VEGFB: variants seen among roughly 807,000 people sequenced by gnomAD.
VEGFB encodes vascular endothelial growth factor B.
A neutral mutation model predicts 22.5 loss-of-function variants in VEGFB; 24 were observed. The ratio of observed to expected loss-of-function variants is 1.07; its 90% CI spans 0.77 to 1.50. VEGFB has a LOEUF of 1.50. VEGFB is among the 40% of genes most tolerant of loss of function. The pLI is 0.00. For missense variants in VEGFB, 327 were observed against 287.8 expected, an observed-to-expected ratio of 1.14 and a Z score of -0.99; for synonymous variants, 141 against 117.4, an observed-to-expected ratio of 1.20 and a Z score of -1.30.
Position 64,237,533 on chromosome 11 carries a change from C to G in VEGFB, c.524C>G (p.Ser175Cys), listed in dbSNP as rs200503432. 1.2e-6 allele frequency: 2 copies of G among 1,609,772 alleles called. No homozygotes were observed. The highest frequency in any genetic ancestry group is 1.3e-5 in the African/African-American group (1 of 74,896). ...CATCCCACTCCAGCCCCAGGCCCCT[C>G]TGCCCACGCTGCACCCAGCACCACC... ...ITHPTPAPGP[S>C]AHAAPSTTSA... Residue 175 changes from serine to cysteine, a missense_variant, in exon 6 of 7, where the codon TCT becomes TGT. Transcript: ENST00000309422.
In VEGFB at chr11:64,234,992, G is replaced by C; in HGVS notation, c.60+99G>C. ...CCCGCGGCCTCGGCCGAGGGGATCT[G>C]CGGGGTCCGGCCTTGGACGCGGGCG... On this transcript the variant is annotated intron_variant, in intron 1 of 6. Transcript: ENST00000309422. The surrounding 1 kb of genome is among the most constrained non-coding windows in gnomAD (Gnocchi z 5.3). 9.7e-7 allele frequency: 1 copy of C among 1,036,260 alleles called. No homozygotes were observed. Among genetic ancestry groups the C allele is most frequent in the South Asian group, 4.2e-5 (1 of 23,790 alleles). The allele number at this position is 1,036,260 out of a possible 1,614,324, so 64.2% of individuals were successfully genotyped here. A position where few individuals can be genotyped will look rare whatever the true frequency, so the allele number is the denominator to read the frequency against.
At chr11:64,235,580 G>T in intron 2 of VEGFB, 80 bp downstream of exon 2, 1 of 1,448,506 alleles carries the variant, frequency 6.9e-7, no homozygotes. Flanking sequence ...CCATCATCTT[G>T]TGTAACTCCC....
rs2030117283 is a variant in VEGFB, at chr11:64,237,085, A to AGAGAGAGAGAGAGAGAG, written c.375-102_375-101insGAGAGAGAGAGAGAGAG. The AGAGAGAGAGAGAGAGAG allele has an allele frequency of 1.2e-5, 7 of 604,544 alleles. No homozygotes were observed. The African/African-American group carries it at 1.6e-4, about 14-fold the overall frequency. 37.4% of individuals were successfully genotyped at this position (604,544 alleles called of 1,614,324 possible). On this transcript the variant is annotated intron_variant, in intron 4 of 6. Coordinates refer to ENST00000309422, the MANE Select transcript of VEGFB (RefSeq NM_003377.5). ...GCAAGAAGAGGGAAACACAGTCTCA[A>AGAGAGAGAGAGAGAGAG]AGAGAGAGAGAGAGAGAGAGAGAGA...
rs1449705283 is a variant in VEGFB, at chr11:64,234,901, C to T, written c.60+8C>T. On this transcript the variant is annotated splice_region_variant and intron_variant, in intron 1 of 6. Transcript: ENST00000309422. The surrounding 1 kb of genome is among the most constrained non-coding windows in gnomAD (Gnocchi z 5.3). ...CAGCTGGCCCCCGCCCAGGTACGTG[C>T]GGCCCGACAGCGCGCCCGCCCGCCC... 2 of 1,287,680 alleles carry T rather than the reference C, an allele frequency of 1.6e-6. No individual in the cohort carries two copies. The highest frequency in any genetic ancestry group is 9.8e-7 in the Non-Finnish European group (1 of 1,016,922). The allele number at this position is 1,287,680 out of a possible 1,614,324, so 79.8% of individuals were successfully genotyped here.
rs1310264786 is a variant in VEGFB, at chr11:64,234,845, G to A, written c.12G>A (p.Leu4=). ...CCCCGGCGGGCACCATGAGCCCTCT[G>A]CTCCGCCGCCTGCTGCTCGCCGCAC... MSP[L]LRRLLLAALL... The change falls in exon 1 of 7, where the codon CTG becomes CTA. Residue 4 remains leucine, a synonymous_variant. Coordinates refer to ENST00000309422, the MANE Select transcript of VEGFB (RefSeq NM_003377.5). The surrounding 1 kb of genome is among the most constrained non-coding windows in gnomAD (Gnocchi z 5.3). The A allele has an allele frequency of 4.8e-5, 61 of 1,273,438 alleles. No homozygotes were observed. Among genetic ancestry groups the A allele is most frequent in the Non-Finnish European group, 5.3e-5 (53 of 1,005,938 alleles). 78.9% of individuals were successfully genotyped at this position (1,273,438 alleles called of 1,614,324 possible).
At chr11:64,236,635 T>G (rs544890182) in intron 4 of VEGFB, among the ~76,000 whole-genome samples, 2 of 142,886 alleles carry the variant, frequency 1.4e-5, no homozygotes, top group South Asian at 4.3e-4. Flanking sequence ...GAGAATGGCA[T>G]GAACCTGGGA....
In VEGFB at chr11:64,237,594, C is replaced by G. The variant is rs1171687982; in HGVS notation, c.585C>G (p.Ala195=). Residue 195 remains alanine, a synonymous_variant, in exon 6 of 7, where the codon GCC becomes GCG. Coordinates refer to ENST00000309422, the MANE Select transcript of VEGFB (RefSeq NM_003377.5). ...ALTPGPAAAA[A]DAAASSVAKG... The stretch of plus-strand genomic sequence containing the variant: ...CCCCCGGACCTGCCGCTGCCGCTGC[C>G]GACGCCGCAGCTTCCTCCGTTGCCA... 4.4e-6 allele frequency: 7 copies of G among 1,592,174 alleles called. No individual in the cohort carries two copies. The highest frequency in any genetic ancestry group is 1.1e-5 in the South Asian group (1 of 89,952).
chr11:64,235,400 T>A, intron 1 of VEGFB, 58 bp from the exon 2 acceptor site: 1 of 1,546,188 alleles, frequency 6.5e-7, no homozygotes, highest in Non-Finnish European at 8.9e-7. Context: ...CCAGGGACGG[T>A]GACAGGGCCA....
chr11:64,237,127 G>C (rs867073646), intron 4 of VEGFB, 60 bp from the exon 5 acceptor site: 4 of 813,206 alleles, frequency 4.9e-6, no homozygotes, highest in Non-Finnish European at 7.3e-6. Flanking sequence ...GAGAGAGTAG[G>C]ATGCTGGGAT....
chr11:64,236,858 C>G (rs549466677), intron 4 of VEGFB, among the ~76,000 whole-genome samples: 2 of 149,164 alleles, frequency 1.3e-5, no homozygotes, highest in African/African-American at 4.9e-5. Flanking sequence ...GCAGGCAGAT[C>G]ACCTGAGGTA....
chr11:64,236,379 C>T (rs373327570), intron 4 of VEGFB, 52 bp downstream of exon 4: 3 of 1,570,162 alleles, frequency 1.9e-6, no homozygotes, highest in South Asian at 2.2e-5. Flanking sequence ...TTGGGGGGTG[C>T]TGGGTATGGT....
At chr11:64,236,814 C>G (rs933896556) in intron 4 of VEGFB, among the ~76,000 whole-genome samples, 1 of 147,916 alleles carries the variant, frequency 6.8e-6, no homozygotes, top group African/African-American at 2.5e-5. Flanking sequence ...GGTAGTGGCT[C>G]ACACCTATAA....
chr11:64,235,635 A>T (rs561477021), intron 2 of VEGFB, 135 bp downstream of exon 2: 2 of 1,273,212 alleles, frequency 1.6e-6, no homozygotes, highest in African/African-American at 3.0e-5. Flanking sequence ...CAGAGGAGGA[A>T]ATTGAGGCAG....
chr11:64,238,610 A>C lies in VEGFB; in HGVS notation c.*277A>C. On this transcript the variant is annotated 3_prime_UTR_variant, in exon 7 of 7. Transcript: ENST00000309422. ...AGACTGGGAGGCAGCAAGAGGGGTC[A>C]CATACCAGCTCAGGGGAGAATGGAG... 2 of 599,816 alleles carry C rather than the reference A, an allele frequency of 3.3e-6. No individual in the cohort carries two copies. Among genetic ancestry groups the C allele is most frequent in the Non-Finnish European group, 5.9e-6 (2 of 337,492 alleles). The allele number at this position is 599,816 out of a possible 1,614,324, so 37.2% of individuals were successfully genotyped here. A position where few individuals can be genotyped will look rare whatever the true frequency, so the allele number is the denominator to read the frequency against.
rs758313576 is a variant in VEGFB, at chr11:64,237,595, G to A, written c.586G>A (p.Asp196Asn). ...LTPGPAAAAA[D>N]AAASSVAKGG... ...CCCCGGACCTGCCGCTGCCGCTGCCGACGCCGCAGCTTCCTCCGTTGCCAA... is the reference window on the plus strand; with the variant it reads ...CCCCGGACCTGCCGCTGCCGCTGCCAACGCCGCAGCTTCCTCCGTTGCCAA... The change falls in exon 6 of 7, where the codon GAC becomes AAC. Residue 196 changes from aspartate to asparagine, a missense_variant. Coordinates refer to ENST00000309422, the MANE Select transcript of VEGFB (RefSeq NM_003377.5). The A allele has an allele frequency of 6.3e-6, 10 of 1,591,064 alleles. No individual in the cohort carries two copies. The highest frequency in any genetic ancestry group is 5.4e-5 in the African/African-American group (4 of 74,646).
rs568225331 is a variant in VEGFB, at chr11:64,238,983, G to A, written c.*650G>A. Among the ~76,000 whole-genome samples the A allele has an allele frequency of 3.9e-5, 6 of 152,296 alleles. No individual in the cohort carries two copies. Among genetic ancestry groups the A allele is most frequent in the Non-Finnish European group, 5.9e-5 (4 of 68,022 alleles). ...CACTTTCAAGTTATTGCCACGCATGGGAGTCAGGGATAGCCCAGTCAATAC... is the reference window on the plus strand; with the variant it reads ...CACTTTCAAGTTATTGCCACGCATGAGAGTCAGGGATAGCCCAGTCAATAC... On this transcript the variant is annotated 3_prime_UTR_variant, in exon 7 of 7. Coordinates refer to ENST00000309422, the MANE Select transcript of VEGFB (RefSeq NM_003377.5).
intron 4 of VEGFB, 129 bp downstream of exon 4, chr11:64,236,456 C>T (rs1228439214): frequency 1.9e-5 from 16 of 849,584 alleles, no homozygotes; most frequent in Admixed American, 7.3e-5. Context: ...TAGCTCACGC[C>T]TGTAATCCCA....
chr11:64,234,913 G>GCGCCCGCC lies in VEGFB; in HGVS notation c.60+29_60+36dup, dbSNP rs780668545. ...GCCCAGGTACGTGCGGCCCGACAGC[G>GCGCCCGCC]CGCCCGCCCGCCCGCCGTGCCCTCT... On this transcript the variant is annotated intron_variant, in intron 1 of 6. Coordinates refer to ENST00000309422, the MANE Select transcript of VEGFB (RefSeq NM_003377.5). The surrounding 1 kb of genome is among the most constrained non-coding windows in gnomAD (Gnocchi z 5.3). 7.9e-7 allele frequency: 1 copy of GCGCCCGCC among 1,268,402 alleles called. No homozygotes were observed. The highest frequency in any genetic ancestry group is 9.9e-7 in the Non-Finnish European group (1 of 1,008,356). 78.6% of individuals were successfully genotyped at this position (1,268,402 alleles called of 1,614,324 possible).
rs1284044673 is a variant in VEGFB, at chr11:64,235,443, T to C, written c.61-15T>C. 6.2e-7 allele frequency: 1 copy of C among 1,613,680 alleles called. No homozygotes were observed. On this transcript the variant is annotated splice_polypyrimidine_tract_variant and intron_variant, in intron 1 of 6. Transcript: ENST00000309422. The stretch of plus-strand genomic sequence containing the variant: ...CTAAAGTGTACCTTGGGTACAGGTC[T>C]TTTCTCTCCCACAGGCCCCTGTCTC...
Sources: gnomAD v4.1 joint callset for allele counts (sites outside exome capture counted in the v4.1 genomes callset) on GRCh38, gnomAD v4.1.1 for gene constraint, Gnocchi (gnomAD v3.1) non-coding constraint, MANE v1.5 for transcripts, NCBI Gene and HGNC (gene_info 2026-07-23, HGNC 2026-07-21) for gene names.